The following NR1D2 variants were observed in gnomAD, a reference collection of about 807,000 sequenced individuals.
The protein encoded by NR1D2 is V-erbA-related protein 1-related.
NR1D2 carries 25 observed loss-of-function variants against 52.2 expected under a neutral mutation model. The ratio of observed to expected loss-of-function variants is 0.48; its 90% confidence interval spans 0.35 to 0.67. NR1D2 has a LOEUF of 0.67. Ranked by LOEUF, NR1D2 falls within the 30% of genes least tolerant of loss-of-function variation. NR1D2 has a pLI of 0.01. For synonymous variants in NR1D2, 259 were observed against 230.1 expected (o/e 1.13, Z -1.14); for missense variants, 681 against 707.2 (o/e 0.96, Z 0.42).
At chr3:23,964,073 C>CT (rs1325900166) in intron 5 of NR1D2, among the ~76,000 whole-genome samples, 2 of 148,560 alleles carry the variant, frequency 1.3e-5, no homozygotes, top group South Asian at 4.3e-4. Context: ...TGGGCAGTGA[C>CT]TTTTTTTTCT....
At chr3:23,968,563 G>A (rs1053485016) in intron 7 of NR1D2, among the ~76,000 whole-genome samples, 1 of 152,224 alleles carries the variant, frequency 6.6e-6, no homozygotes, top group Non-Finnish European at 1.5e-5. Flanking sequence ...AAAGGAAGGG[G>A]TTGTACCATG....
At chr3:23,947,022 T>C (rs931120192) in intron 1 of NR1D2, among the ~76,000 whole-genome samples, 21 of 152,360 alleles carry the variant, frequency 1.4e-4, no homozygotes, top group Middle Eastern at 6.8e-3. Context: ...TTTTTAGAAT[T>C]TACTTATTTT....
rs1357325196 is a variant in NR1D2 at position 23,978,337 on chromosome 3, A to G, written c.*918A>G. ...AAACAAGAGGTGTCAAAAGACCCAA[A>G]TTAGGTGCATTTTACTTGTTTATGA... On this transcript the variant is annotated 3_prime_UTR_variant, in exon 8 of 8. Transcript: ENST00000312521. 2 of 152,202 alleles carry G rather than the reference A, an allele frequency of 1.3e-5. No homozygotes were observed. The highest frequency in any genetic ancestry group is 6.5e-5 in the Admixed American group (1 of 15,280). 9.4% of individuals were successfully genotyped at this position (152,202 alleles called of 1,614,324 possible).
chr3:23,965,396 G>A (rs968669902), intron 6 of NR1D2, among the ~76,000 whole-genome samples: 1 of 150,092 alleles, frequency 6.7e-6, no homozygotes, highest in Non-Finnish European at 1.5e-5. Context: ...GAGCTACCAC[G>A]CCCGGCTAAT....
At position 23,962,546 on chromosome 3, in the gene NR1D2, T is replaced by G; in HGVS notation, c.1087T>G (p.Phe363Val). The change falls in exon 5 of 8, where the codon TTT becomes GTT. Residue 363 changes from phenylalanine (F) to valine (V), a missense_variant. Physicochemically the swap from Phe to Val is conservative, Grantham distance 50. Coordinates refer to ENST00000312521, the MANE Select transcript of NR1D2 (RefSeq NM_005126.5). ...RVCDRVPIDG[F>V]SQNENKNSYL... ...ATGTGATAGAGTTCCGATAGATGGA[T>G]TTTCTCAGAATGAGAACAAGAATAG... 15 of 1,613,590 alleles carry G rather than the reference T, an allele frequency of 9.3e-6. No homozygotes were observed. Among genetic ancestry groups the G allele is most frequent in the Non-Finnish European group, 1.2e-5 (14 of 1,179,588 alleles).
chr3:23,977,339 C>A lies in NR1D2; in HGVS notation c.1660C>A (p.Leu554Met). The change falls in exon 8 of 8, where the codon CTG becomes ATG. Residue 554 changes from leucine to methionine, a missense_variant. Transcript: ENST00000312521. ...AAATGAGGCCTCTATTTTTACAAAA[C>A]TGCTTCTAAAGTTGCCAGATCTTCG... ...HPNEASIFTK[L>M]LLKLPDLRSL... is the part of the protein sequence containing the mutation. The A allele has an allele frequency of 6.2e-7, 1 of 1,613,674 alleles. No homozygotes were observed. Among genetic ancestry groups the A allele is most frequent in the Non-Finnish European group, 8.5e-7 (1 of 1,179,772 alleles).
At position 23,954,669 on chromosome 3, in the gene NR1D2, A is replaced by G. The variant is rs773086538; in HGVS notation, c.149A>G (p.Asp50Gly). The G allele has an allele frequency of 3.1e-6, 5 of 1,614,144 alleles. No individual in the cohort carries two copies. The East Asian group carries it at 8.9e-5, about 29-fold the overall frequency. ...TCTTCTCCAAATAGCTCTAATTCTG[A>G]TACCAATGGTAATCCCAAGAATGGT... ...VPSSPNSSNSDTNGNPKNGDL... is the reference protein window; with the variant it reads ...VPSSPNSSNSGTNGNPKNGDL... Residue 50 changes from aspartate to glycine, a missense_variant, in exon 2 of 8, where the codon GAT becomes GGT. Asp to Gly is a moderately conservative substitution (Grantham distance 94). Transcript: ENST00000312521.
In NR1D2 at chr3:23,956,028, G is replaced by A; in HGVS notation, c.284-9G>A. The A allele has an allele frequency of 6.2e-7, 1 of 1,607,688 alleles. No individual in the cohort carries two copies. Among genetic ancestry groups the A allele is most frequent in the South Asian group, 1.1e-5 (1 of 90,800 alleles). On this transcript the variant is annotated splice_polypyrimidine_tract_variant and intron_variant, in intron 2 of 7. Transcript: ENST00000312521. Reference sequence around the variant, plus strand: ...CCTACTTTTTACTTCGTGTCCTTTTGTGTCCTAGAATTTAGTGGCATGGTT... The same window carrying A: ...CCTACTTTTTACTTCGTGTCCTTTTATGTCCTAGAATTTAGTGGCATGGTT...
rs75593457 is a variant in NR1D2, at chr3:23,974,888, G to A, written c.1544-2335G>A. Among the ~76,000 whole-genome samples the A allele has an allele frequency of 3.5e-3, 529 of 149,738 alleles. 13 individuals are homozygous for A. The East Asian group carries it at 0.05, about 14-fold the overall frequency. On this transcript the variant is annotated intron_variant, in intron 7 of 7. Transcript: ENST00000312521. ...GGCTGGAGTGCAGGGGCATGATCTC[G>A]ACTCACTGCAACCTCCATCCCCTGG...
intron 1 of NR1D2, chr3:23,946,040 C>A: frequency 1.1e-6 from 1 of 937,610 alleles, no homozygotes; most frequent in Non-Finnish European, 1.3e-6. Context: ...GGCGCGCGCG[C>A]GCGCGCTGGC....
chr3:23,972,620 A>T (rs1256937423), intron 7 of NR1D2, among the ~76,000 whole-genome samples: 3 of 152,194 alleles, frequency 2.0e-5, no homozygotes, highest in Admixed American at 2.0e-4. Flanking sequence ...TCCTGTAGGA[A>T]GTGAAAATAA....
intron 3 of NR1D2, 95 bp from the exon 4 acceptor site, chr3:23,959,576 T>A: frequency 8.6e-7 from 1 of 1,156,362 alleles, no homozygotes; most frequent in South Asian, 1.5e-5. Context: ...GGGACTGTAG[T>A]TCGTCATATA....
rs1345887297 is a variant in NR1D2 at position 23,945,814 on chromosome 3, C to CGCCCG, written c.16+230_16+234dup. Among the ~76,000 whole-genome samples the CGCCCG allele has an allele frequency of 2.4e-4, 36 of 150,666 alleles. No homozygotes were observed. The East Asian group carries it at 3.7e-3, about 16-fold the overall frequency. ...GCAAAGCCGCAGCGCGGCCTGCCGG[C>CGCCCG]GCCCGGCCCGGCCCCCCCCTCACAT... is the stretch of plus-strand genomic sequence containing the variant. On this transcript the variant is annotated intron_variant, in intron 1 of 7. Transcript: ENST00000312521.
chr3:23,963,138 G>T, intron 5 of NR1D2: 2 of 516,782 alleles, frequency 3.9e-6, no homozygotes, highest in Admixed American at 7.2e-5. Flanking sequence ...GATTTTCTCA[G>T]ACTTCATCTT....
At chr3:23,967,620 A>G (rs1446989604) in intron 6 of NR1D2, among the ~76,000 whole-genome samples, 193 bp from the exon 7 acceptor site, 1 of 152,156 alleles carries the variant, frequency 6.6e-6, no homozygotes, top group Non-Finnish European at 1.5e-5. Context: ...CCATGTCAAA[A>G]ATAGAATAGA....
At chr3:23,946,512 C>G (rs143142001) in intron 1 of NR1D2, 91 of 157,868 alleles carry the variant, frequency 5.8e-4, no homozygotes, top group Middle Eastern at 6.6e-3. Context: ...ACAAAAAAAA[C>G]CGTTTGCTCT....
chr3:23,966,991 T>A (rs1399288689), intron 6 of NR1D2, among the ~76,000 whole-genome samples: 1 of 151,772 alleles, frequency 6.6e-6, no homozygotes, highest in Non-Finnish European at 1.5e-5. Flanking sequence ...TGATTGCATC[T>A]CCGGCCTGGG....
At chr3:23,968,616 CTGTT>C (rs966937018) in intron 7 of NR1D2, among the ~76,000 whole-genome samples, 1 of 152,178 alleles carries the variant, frequency 6.6e-6, no homozygotes, top group Non-Finnish European at 1.5e-5. Flanking sequence ...TACTCAGTCA[CTGTT>C]TGAATGAGTG....
intron 5 of NR1D2, 96 bp downstream of exon 5, chr3:23,962,701 C>A: frequency 8.4e-7 from 1 of 1,186,504 alleles, no homozygotes; most frequent in Non-Finnish European, 1.2e-6. Flanking sequence ...GGGATGGTGT[C>A]AGGAAACCTA....
Sources: gnomAD v4.1 joint callset for allele counts (sites outside exome capture counted in the v4.1 genomes callset) on GRCh38, gnomAD v4.1.1 for gene constraint, MANE v1.5 for transcripts, NCBI Gene and HGNC (gene_info 2026-07-23, HGNC 2026-07-21) for gene names.